Variants in FARS2 observed in about 807,000 individuals in gnomAD.
FARS2 encodes phenylalanine--tRNA ligase, mitochondrial.
Under a neutral mutation model 46.4 loss-of-function variants are expected in FARS2, and 40 were observed. The ratio of observed to expected loss-of-function variants is 0.86; its 90% confidence interval spans 0.67 to 1.12. The LOEUF is 1.12. Ranked by LOEUF, FARS2 falls within the 50% of genes most tolerant of loss-of-function variation. FARS2 has a pLI of 0.00. For missense variants in FARS2, 513 were observed against 567.9 expected (o/e 0.90, Z 0.98); for synonymous variants, 234 against 214.9 (o/e 1.09, Z -0.78).
chr6:5,404,741 A>T, intron 3 of FARS2, 40 bp downstream of exon 3: 1 of 1,406,500 alleles, frequency 7.1e-7, no homozygotes. Context: ...CTTATCTGAA[A>T]TACTTGGGAC....
rs1156580610 is a variant in FARS2 at position 5,728,260 on chromosome 6, T to C, written c.1218-43031T>C. On this transcript the variant is annotated intron_variant, in intron 6 of 6. Transcript: ENST00000274680. ...TTGGGTTTGTTTCAAAATAGCCTAA[T>C]AGCTGGGAATGGGCTGGTTTGGCTT... Among the ~76,000 whole-genome samples the C allele has an allele frequency of 1.6e-4, 24 of 152,322 alleles. 1 individual carries two copies. In the East Asian group the frequency reaches 4.3e-3, roughly 27 times the overall value.
chr6:5,495,935 G>A (rs569844536), intron 4 of FARS2, among the ~76,000 whole-genome samples: 1 of 152,152 alleles, frequency 6.6e-6, no homozygotes, highest in Non-Finnish European at 1.5e-5. Flanking sequence ...GTATCACGAT[G>A]CCCTGCCTGA....
intron 4 of FARS2, among the ~76,000 whole-genome samples, chr6:5,513,277 T>C (rs375759089): frequency 3.3e-4 from 51 of 152,294 alleles, no homozygotes; most frequent in African/African-American, 1.2e-3. Flanking sequence ...AGACTGGAAC[T>C]CTGGGGAAAG....
chr6:5,491,286 T>C (rs1287694960), intron 4 of FARS2, among the ~76,000 whole-genome samples: 2 of 152,184 alleles, frequency 1.3e-5, no homozygotes, highest in Admixed American at 1.3e-4. Flanking sequence ...ATTTTTATGT[T>C]TTCATTTTGT....
intron 5 of FARS2, among the ~76,000 whole-genome samples, chr6:5,567,555 G>A (rs1772391004): frequency 6.6e-6 from 1 of 152,094 alleles, no homozygotes; most frequent in African/African-American, 2.4e-5. Context: ...TTCGTTCTTT[G>A]TCTTGCTGTT....
intron 6 of FARS2, among the ~76,000 whole-genome samples, chr6:5,749,087 G>C (rs1761798559): frequency 6.6e-6 from 1 of 152,258 alleles, no homozygotes. Flanking sequence ...TTGCAAGCCA[G>C]AAGATGAGCT....
intron 2 of FARS2, among the ~76,000 whole-genome samples, chr6:5,393,176 C>G (rs962629963): frequency 6.6e-6 from 1 of 151,692 alleles, no homozygotes; most frequent in East Asian, 1.9e-4. Context: ...CTAGCTTGGT[C>G]GCAATAAATA....
At chr6:5,511,600 A>G (rs1768457181) in intron 4 of FARS2, among the ~76,000 whole-genome samples, 1 of 152,242 alleles carries the variant, frequency 6.6e-6, no homozygotes, top group South Asian at 2.1e-4. Context: ...AGAGAAAAAC[A>G]GAAGAGTCTC....
In FARS2 at chr6:5,432,331, T is replaced by C. The variant is rs1188828535; in HGVS notation, c.904+1159T>C. 8.1e-3 allele frequency among the ~76,000 whole-genome samples: 286 copies of C among 35,296 alleles called. 6 individuals carry two copies. In the East Asian group the frequency reaches 0.28, roughly 35 times the overall value. The allele number at this position is 35,296 out of a possible 152,430, so 23.2% of individuals were successfully genotyped here. A position where few individuals can be genotyped will look rare whatever the true frequency, so the allele number is the denominator to read the frequency against. ...CTCAGTCTTAAAAAAAAAAAAAATA[T>C]ATATATATATATATATATATTATAT... On this transcript the variant is annotated intron_variant, in intron 4 of 6. Transcript: ENST00000274680.
At chr6:5,537,040 C>CT (rs1214616566) in intron 4 of FARS2, among the ~76,000 whole-genome samples, 1 of 152,104 alleles carries the variant, frequency 6.6e-6, no homozygotes, top group African/African-American at 2.4e-5. Context: ...TAAAGGTACC[C>CT]TTTTTTTCTG....
intron 6 of FARS2, among the ~76,000 whole-genome samples, chr6:5,718,853 AAAAC>A (rs920050271): frequency 6.6e-5 from 10 of 152,192 alleles, no homozygotes; most frequent in African/African-American, 1.9e-4. Context: ...GGTGTGTTGC[AAAAC>A]AGGGAAATGT....
chr6:5,620,583 T>C (rs975242344), intron 6 of FARS2, among the ~76,000 whole-genome samples: 2 of 152,216 alleles, frequency 1.3e-5, no homozygotes, highest in Non-Finnish European at 2.9e-5. Context: ...CCATTTCATT[T>C]TCTCACACTT....
At chr6:5,352,206 A>G (rs1024634670) in intron 1 of FARS2, among the ~76,000 whole-genome samples, 1 of 151,010 alleles carries the variant, frequency 6.6e-6, no homozygotes, top group Non-Finnish European at 1.5e-5. Context: ...GCCAAAGACA[A>G]TTCTTCTGAT....
At chr6:5,251,934 T>C in the FARS2 span, among the ~76,000 whole-genome samples, 1 of 152,198 alleles carries the variant, frequency 6.6e-6, no homozygotes, top group African/African-American at 2.4e-5. Context: ...ACTGGTAATA[T>C]ATTAAAGAGT....
At chr6:5,356,146 G>A (rs938911882) in intron 1 of FARS2, among the ~76,000 whole-genome samples, 5 of 152,174 alleles carry the variant, frequency 3.3e-5, no homozygotes, top group African/African-American at 1.2e-4. Flanking sequence ...TGGTGATTTT[G>A]CTGTTTAAAA....
upstream of FARS2, among the ~76,000 whole-genome samples, chr6:5,257,083 C>A (rs910194620): frequency 6.6e-6 from 1 of 152,186 alleles, no homozygotes; most frequent in Non-Finnish European, 1.5e-5. Flanking sequence ...CTTGGCCCCT[C>A]AAAATCATCT....
At chr6:5,322,576 G>A (rs1770057963) in intron 1 of FARS2, among the ~76,000 whole-genome samples, 1 of 151,764 alleles carries the variant, frequency 6.6e-6, no homozygotes, top group African/African-American at 2.4e-5. Context: ...TTCTTTTTTT[G>A]GTTTGTTTCC....
chr6:5,679,850 C>T (rs1430223254), intron 6 of FARS2, among the ~76,000 whole-genome samples: 1 of 150,062 alleles, frequency 6.7e-6, no homozygotes. Context: ...CTTCCCCCAC[C>T]CCCACCCCCC....
At chr6:5,432,487 T>A (rs1177692711) in intron 4 of FARS2, among the ~76,000 whole-genome samples, 1 of 127,348 alleles carries the variant, frequency 7.9e-6, no homozygotes, top group African/African-American at 3.0e-5. Flanking sequence ...ATATATAATA[T>A]ATATTATATA....
Sources: gnomAD v4.1 joint callset for allele counts (sites outside exome capture counted in the v4.1 genomes callset) on GRCh38, gnomAD v4.1.1 for gene constraint, MANE v1.5 for transcripts, NCBI Gene and HGNC (gene_info 2026-07-23, HGNC 2026-07-21) for gene names.